Variants in TCEANC2 observed in about 807,000 individuals in gnomAD.
TCEANC2 encodes transcription elongation factor A N-terminal and central domain-containing protein 2.
Under a neutral mutation model 22.8 loss-of-function variants are expected in TCEANC2, and 20 were observed. The observed-to-expected ratio is 0.88, with a 90% CI of 0.62 to 1.28. TCEANC2 has a LOEUF of 1.28. TCEANC2 is among the 50% of genes most tolerant of loss of function. TCEANC2 has a pLI of 0.00. For synonymous variants in TCEANC2, 84 were observed against 95.5 expected, an observed-to-expected ratio of 0.88 and a Z score of 0.70; for missense variants, 251 against 249.7, an observed-to-expected ratio of 1.01 and a Z score of -0.03.
intron 3 of TCEANC2, among the ~76,000 whole-genome samples, chr1:54,080,126 A>C (rs1316792400): frequency 6.7e-6 from 1 of 149,006 alleles, no homozygotes; most frequent in African/African-American, 2.5e-5. Context: ...GCTCATTACC[A>C]GGGGTCTCCA....
chr1:54,096,651 G>C lies in TCEANC2; in HGVS notation c.*178G>C. On this transcript the variant is annotated 3_prime_UTR_variant, in exon 5 of 5. Coordinates refer to ENST00000234827, the MANE Select transcript of TCEANC2 (RefSeq NM_153035.3). This position sits in a 1 kb window ranked among gnomAD's most constrained non-coding sequence, Gnocchi z 4.9. ...CCCTAGGAGACAGGCCTGCAGGAAT[G>C]TGCTTCATTAGCTGCAGTGCGCTGG... 7.6e-7 allele frequency: 1 copy of C among 1,315,424 alleles called. No individual in the cohort carries two copies. The highest frequency in any genetic ancestry group is 1.5e-5 in the African/African-American group (1 of 68,074). 81.5% of individuals were successfully genotyped at this position (1,315,424 alleles called of 1,614,324 possible).
At chr1:54,094,299 G>C (rs1310350710) in intron 4 of TCEANC2, among the ~76,000 whole-genome samples, 1 of 152,098 alleles carries the variant, frequency 6.6e-6, no homozygotes, top group African/African-American at 2.4e-5. Flanking sequence ...TGGTCCATCT[G>C]TCTCTCATGT....
intron 3 of TCEANC2, among the ~76,000 whole-genome samples, chr1:54,078,533 C>T (rs1334561026): frequency 6.6e-6 from 1 of 152,098 alleles, no homozygotes; most frequent in Non-Finnish European, 1.5e-5. Flanking sequence ...TTGTATACCT[C>T]AAATGGGAAT....
chr1:54,082,293 C>T (rs1212583773), intron 3 of TCEANC2, among the ~76,000 whole-genome samples: 2 of 152,154 alleles, frequency 1.3e-5, no homozygotes, highest in African/African-American at 2.4e-5. Flanking sequence ...TTCTCAGCAC[C>T]TTTGGATTCA....
chr1:54,078,619 C>T (rs987106824), intron 3 of TCEANC2, among the ~76,000 whole-genome samples: 1 of 152,072 alleles, frequency 6.6e-6, no homozygotes, highest in Non-Finnish European at 1.5e-5. Flanking sequence ...TGGAAATGTC[C>T]AGCAGGAGGT....
chr1:54,106,654 C>A (rs1658759583), downstream of TCEANC2, among the ~76,000 whole-genome samples: 1 of 151,780 alleles, frequency 6.6e-6, no homozygotes, highest in African/African-American at 2.4e-5. Flanking sequence ...GGGAACATCA[C>A]TGAGACATAT....
chr1:54,076,688 T>C (rs985371366), intron 3 of TCEANC2, among the ~76,000 whole-genome samples: 8 of 151,928 alleles, frequency 5.3e-5, no homozygotes, highest in African/African-American at 1.9e-4. Context: ...AGGAAAAGGG[T>C]GTTATAGAGA....
At chr1:54,074,481 A>G (rs977972652) in intron 3 of TCEANC2, among the ~76,000 whole-genome samples, 1 of 152,182 alleles carries the variant, frequency 6.6e-6, no homozygotes, top group African/African-American at 2.4e-5. Flanking sequence ...AAAATATAGT[A>G]GATAAGCTTG....
At chr1:54,106,302 A>C (rs186840958), downstream of TCEANC2, among the ~76,000 whole-genome samples, 106 of 152,378 alleles carry the variant, frequency 7.0e-4, no homozygotes, top group Non-Finnish European at 2.1e-4. Context: ...AAAAAGAATG[A>C]GTTTAGGTTT....
intron 3 of TCEANC2, among the ~76,000 whole-genome samples, chr1:54,069,243 G>A (rs1658013881): frequency 6.6e-6 from 1 of 152,148 alleles, no homozygotes; most frequent in African/African-American, 2.4e-5. Context: ...AATAACACAT[G>A]GATAACATTT....
intron 2 of TCEANC2, among the ~76,000 whole-genome samples, chr1:54,056,840 G>A (rs1278246639): frequency 6.6e-6 from 1 of 151,964 alleles, no homozygotes; most frequent in Admixed American, 6.6e-5. Context: ...CCAGGAGTCC[G>A]AGATCAGCCT....
At chr1:54,106,887 G>A (rs1188903657), downstream of TCEANC2, among the ~76,000 whole-genome samples, 1 of 152,020 alleles carries the variant, frequency 6.6e-6, no homozygotes, top group Admixed American at 6.6e-5. Flanking sequence ...TTTTTATTTC[G>A]GAGTTATTTT....
In TCEANC2 at chr1:54,099,546, C is replaced by A. The variant is rs1326892406; in HGVS notation, c.*3073C>A. On this transcript the variant is annotated 3_prime_UTR_variant, in exon 5 of 5. Transcript: ENST00000234827. ...ATCACCTGAGGTCAGGAGTTTGAAA[C>A]CAGCCTGGCCAACATGGCGAAACCC... 6.6e-6 allele frequency: 1 copy of A among 152,034 alleles called. No individual in the cohort carries two copies. Among genetic ancestry groups the A allele is most frequent in the Non-Finnish European group, 1.5e-5 (1 of 68,030 alleles). 9.4% of individuals were successfully genotyped at this position (152,034 alleles called of 1,614,324 possible).
intron 3 of TCEANC2, among the ~76,000 whole-genome samples, chr1:54,086,679 G>C (rs1333608039): frequency 6.6e-6 from 1 of 152,142 alleles, no homozygotes; most frequent in African/African-American, 2.4e-5. Context: ...AGGTAAGAGT[G>C]GATATAGCAC....
rs6683886 is a variant in TCEANC2 at position 54,072,408 on chromosome 1, T to C, written c.244+3511T>C. On this transcript the variant is annotated intron_variant, in intron 3 of 4. Transcript: ENST00000234827. Reference sequence around the variant, plus strand: ...TATCCCCCCCAAATTTTTTTTTTTTTCTTTTTGAGACAGAGTCTTGCTCTG... The same window carrying C: ...TATCCCCCCCAAATTTTTTTTTTTTCCTTTTTGAGACAGAGTCTTGCTCTG... Among the ~76,000 whole-genome samples the C allele has an allele frequency of 3.5e-3, 531 of 151,690 alleles. 7 individuals are homozygous for C. Among genetic ancestry groups the C allele is most frequent in the Middle Eastern group, 0.027 (8 of 294 alleles).
chr1:54,076,888 A>G (rs748491208), intron 3 of TCEANC2, among the ~76,000 whole-genome samples: 1 of 152,166 alleles, frequency 6.6e-6, no homozygotes, highest in Non-Finnish European at 1.5e-5. Flanking sequence ...ATGTTAGAAG[A>G]TGATAACTAC....
At chr1:54,059,148 T>C (rs2100353738) in intron 2 of TCEANC2, among the ~76,000 whole-genome samples, 1 of 150,026 alleles carries the variant, frequency 6.7e-6, no homozygotes, top group South Asian at 2.1e-4. Flanking sequence ...GGACCTTGAG[T>C]TTTCTTTTTT....
chr1:54,105,828 C>A lies in TCEANC2; in HGVS notation c.*9355C>A, dbSNP rs954608860. ...GAGAGATTGGGTTTCACCATGTTGG[C>A]CAGGATGGTCTTGATCTCTTGACCT... On this transcript the variant is annotated 3_prime_UTR_variant, in exon 5 of 5. Transcript: ENST00000234827. 4 of 152,036 alleles carry A rather than the reference C, an allele frequency of 2.6e-5. No homozygotes were observed. The highest frequency in any genetic ancestry group is 9.7e-5 in the African/African-American group (4 of 41,378). 9.4% of individuals were successfully genotyped at this position (152,036 alleles called of 1,614,324 possible). A position where few individuals can be genotyped will look rare whatever the true frequency, so the allele number is the denominator to read the frequency against.
chr1:54,057,373 T>G (rs2100352119), intron 2 of TCEANC2, among the ~76,000 whole-genome samples: 1 of 113,686 alleles, frequency 8.8e-6, no homozygotes, highest in Non-Finnish European at 1.9e-5. Context: ...TTTTTTTTTG[T>G]AGAGACAGGA....
Sources: gnomAD v4.1 joint callset for allele counts (sites outside exome capture counted in the v4.1 genomes callset) on GRCh38, gnomAD v4.1.1 for gene constraint, Gnocchi (gnomAD v3.1) non-coding constraint, MANE v1.5 for transcripts, NCBI Gene and HGNC (gene_info 2026-07-23, HGNC 2026-07-21) for gene names.